The following RIC3 variants were observed in gnomAD, a reference collection of about 807,000 sequenced individuals.
RIC3 encodes protein RIC-3.
RIC3 carries 28 observed loss-of-function variants against 27.3 expected under a neutral mutation model. The observed-to-expected ratio is 1.02, with a 90% CI of 0.76 to 1.41. The LOEUF (loss-of-function observed/expected upper bound fraction) is 1.41, where lower values mean the gene tolerates loss of function less well. Ranked by LOEUF, RIC3 falls within the 40% of genes most tolerant of loss-of-function variation. The probability of loss-of-function intolerance (pLI) is 0.00; values close to 1 mark genes in which losing one functional copy is unlikely to be tolerated. For synonymous variants in RIC3, 184 were observed against 160.4 expected (o/e 1.15, Z -1.11); for missense variants, 501 against 444.7 (o/e 1.13, Z -1.14).
chr11:8,095,057 T>A, the RIC3 span, among the ~76,000 whole-genome samples: 1 of 152,184 alleles, frequency 6.6e-6, no homozygotes, highest in African/African-American at 2.4e-5. Context: ...TTTAATGATG[T>A]ATGTGAGTTA....
In RIC3 at chr11:8,110,468, G is replaced by C. The variant is rs1289530058; in HGVS notation, c.*230C>G. ...GGATCAACTTCTCTGATAGAGGAAAGGCAGGAAGAGAAAGAGCGAAGCTGT... is the reference window on the plus strand; with the variant it reads ...GGATCAACTTCTCTGATAGAGGAAACGCAGGAAGAGAAAGAGCGAAGCTGT... On this transcript the variant is annotated 3_prime_UTR_variant, in exon 6 of 6. Transcript: ENST00000309737. 2 of 606,524 alleles carry C rather than the reference G, an allele frequency of 3.3e-6. No individual in the cohort carries two copies. The highest frequency in any genetic ancestry group is 3.7e-5 in the African/African-American group (2 of 54,366). The allele number at this position is 606,524 out of a possible 1,614,324, so 37.6% of individuals were successfully genotyped here.
chr11:8,097,788 C>T, the RIC3 span: 6 of 1,614,022 alleles, frequency 3.7e-6, no homozygotes, highest in Non-Finnish European at 5.1e-6. Context: ...ACCCAACAGA[C>T]TTGTCTCGAG....
intron 5 of RIC3, among the ~76,000 whole-genome samples, chr11:8,126,068 C>A (rs1946959761): frequency 6.6e-6 from 1 of 152,000 alleles, no homozygotes; most frequent in Non-Finnish European, 1.5e-5. Context: ...TATACAATTA[C>A]CTTAAACCCA....
At chr11:8,125,253 CAA>C (rs758292624) in intron 5 of RIC3, among the ~76,000 whole-genome samples, 15 of 82,934 alleles carry the variant, frequency 1.8e-4, no homozygotes, top group South Asian at 3.6e-4. Flanking sequence ...GACTCTGTCT[CAA>C]AAAAAAAAAA....
chr11:8,140,004 A>C lies in RIC3; in HGVS notation c.314T>G (p.Phe105Cys), dbSNP rs909862846. ...GTACAGTATATATAAAAAAATCCCA[A>C]AACCGTAGATTGGAATAATCTGCCC... ...LMGQIIPIYG[F>C]GIFLYILYIL... is the part of the protein sequence containing the mutation. The change falls in exon 2 of 6, where the codon TTT (phenylalanine) becomes TGT (cysteine). Residue 105 changes from phenylalanine (F) to cysteine (C), a missense_variant. By Grantham distance (205) the Phe-to-Cys change is radical (BLOSUM62 -2). Transcript: ENST00000309737. 6.2e-7 allele frequency: 1 copy of C among 1,613,988 alleles called. No homozygotes were observed. The highest frequency in any genetic ancestry group is 8.5e-7 in the Non-Finnish European group (1 of 1,180,028).
chr11:8,158,099 GT>G (rs1428012445), intron 1 of RIC3, among the ~76,000 whole-genome samples: 1 of 152,092 alleles, frequency 6.6e-6, no homozygotes. Context: ...TAAGAAGCTA[GT>G]TTAAGATAAC....
the RIC3 span, chr11:8,101,045 C>A: frequency 6.2e-7 from 1 of 1,607,422 alleles, no homozygotes; most frequent in South Asian, 1.1e-5. Flanking sequence ...ATACCCAAGG[C>A]CCTTAGCGTA....
chr11:8,103,706 C>T (rs1201588843), downstream of RIC3: 2 of 152,630 alleles, frequency 1.3e-5, no homozygotes, highest in Middle Eastern at 3.2e-3. Flanking sequence ...CCCTTCCCTG[C>T]CTTTAAGGAG....
the RIC3 span, chr11:8,097,633 G>A: frequency 1.5e-6 from 2 of 1,366,518 alleles, no homozygotes; most frequent in South Asian, 1.3e-5. Flanking sequence ...ACGCAACGGA[G>A]AGAGTCTGTG....
intron 4 of RIC3, among the ~76,000 whole-genome samples, chr11:8,131,900 CAAAAAAAAAAAAA>C (rs796158730): frequency 0.032 from 828 of 26,260 alleles, 14 homozygotes; most frequent in African/African-American, 0.09. Flanking sequence ...GACTCCATCT[CAAAAAAAAAAAAA>C]AAAAAAAAAA....
chr11:8,138,391 C>T (rs761092553), intron 2 of RIC3, 44 bp from the exon 3 acceptor site: 1 of 1,320,762 alleles, frequency 7.6e-7, no homozygotes, highest in Non-Finnish European at 1.1e-6. Flanking sequence ...CAGCTCAGAA[C>T]CTCAGTCACG....
the RIC3 span, chr11:8,097,080 G>A: frequency 1.1e-6 from 1 of 895,578 alleles, no homozygotes; most frequent in Non-Finnish European, 1.7e-6. Flanking sequence ...GATAGCTTCT[G>A]ACCCCAGGCC....
At chr11:8,163,811 A>ATTT (rs35000979) in intron 1 of RIC3, among the ~76,000 whole-genome samples, 2 of 136,778 alleles carry the variant, frequency 1.5e-5, no homozygotes. Context: ...CCCAACTGGC[A>ATTT]TTTTTTTTTT....
At chr11:8,136,042 G>C (rs528071785) in intron 4 of RIC3, among the ~76,000 whole-genome samples, 104 of 152,258 alleles carry the variant, frequency 6.8e-4, no homozygotes, top group African/African-American at 2.3e-3. Flanking sequence ...CAACTTTGGG[G>C]AACATTCCAG....
At chr11:8,122,624 C>T (rs1946577384) in intron 5 of RIC3, among the ~76,000 whole-genome samples, 1 of 152,032 alleles carries the variant, frequency 6.6e-6, no homozygotes. Flanking sequence ...CCAAATGTTC[C>T]TCAACTGGTG....
At position 8,107,258 on chromosome 11, in the gene RIC3, TTGAGAGTG is replaced by T. The variant is rs963117431; in HGVS notation, c.*3432_*3439del. The T allele has an allele frequency of 3.3e-5, 5 of 152,190 alleles. No individual in the cohort carries two copies. The highest frequency in any genetic ancestry group is 1.2e-4 in the African/African-American group (5 of 41,442). The allele number at this position is 152,190 out of a possible 1,614,324, so 9.4% of individuals were successfully genotyped here. On this transcript the variant is annotated 3_prime_UTR_variant, in exon 6 of 6. Transcript: ENST00000309737. ...CAAATAGTCCAGATTGAAGAGAACT[TTGAGAGTG>T]TGGTAATAATTCGGGTTTGTTTATT...
chr11:8,095,540 C>A, the RIC3 span: 6 of 1,613,122 alleles, frequency 3.7e-6, no homozygotes, highest in Non-Finnish European at 5.1e-6. Context: ...AAGTCTGAGG[C>A]CCAAGGCCCA....
chr11:8,162,800 C>T (rs1257485238), intron 1 of RIC3, among the ~76,000 whole-genome samples: 1 of 151,818 alleles, frequency 6.6e-6, no homozygotes, highest in Non-Finnish European at 1.5e-5. Flanking sequence ...CGTGCACCAT[C>T]AGACTGGGCT....
chr11:8,152,546 T>C (rs1301060197), intron 1 of RIC3, among the ~76,000 whole-genome samples: 1 of 152,158 alleles, frequency 6.6e-6, no homozygotes. Context: ...AGACTAGTGA[T>C]TACCTAGAGC....
Sources: allele counts gnomAD v4.1 joint callset (sites outside exome capture counted in the v4.1 genomes callset), GRCh38; gene constraint gnomAD v4.1.1; transcripts MANE v1.5; gene names NCBI Gene and HGNC (gene_info 2026-07-23, HGNC 2026-07-21).